HEMK2: variants seen among roughly 807,000 people sequenced by gnomAD.
HEMK2 encodes the protein HemK methyltransferase 2, ETF1 glutamine and histone H4 lysine.
the HEMK2 span, among the ~76,000 whole-genome samples, chr21:28,810,780 T>C: frequency 3.3e-5 from 5 of 152,188 alleles, no homozygotes; most frequent in Non-Finnish European, 5.9e-5. Context: ...GTGATTTCCC[T>C]TCAGAGGCGC....
chr21:28,703,024 G>A, the HEMK2 span, among the ~76,000 whole-genome samples: 1,065 of 152,288 alleles, frequency 7.0e-3, 11 homozygotes, highest in African/African-American at 0.024. Context: ...CATGGATGGA[G>A]CTGGAGATCA....
At chr21:28,753,296 G>A in the HEMK2 span, among the ~76,000 whole-genome samples, 6 of 150,194 alleles carry the variant, frequency 4.0e-5, no homozygotes, top group South Asian at 2.1e-4. Flanking sequence ...GGCAGAAGTC[G>A]CAGTGAACTG....
the HEMK2 span, among the ~76,000 whole-genome samples, chr21:28,733,210 C>T: frequency 1.3e-5 from 2 of 152,080 alleles, no homozygotes; most frequent in African/African-American, 4.8e-5. Flanking sequence ...ACCCGGGAGG[C>T]GGAGCTTGCA....
At chr21:28,620,933 A>G in the HEMK2 span, among the ~76,000 whole-genome samples, 1 of 151,598 alleles carries the variant, frequency 6.6e-6, no homozygotes. Flanking sequence ...CGGCCTCCCA[A>G]AGTGCTGGGA....
At chr21:28,791,368 G>T in the HEMK2 span, among the ~76,000 whole-genome samples, 1 of 152,152 alleles carries the variant, frequency 6.6e-6, no homozygotes, top group South Asian at 2.1e-4. Flanking sequence ...TTCTGAGATG[G>T]TGGGGTATTG....
the HEMK2 span, among the ~76,000 whole-genome samples, chr21:28,675,284 A>C: frequency 1.3e-5 from 2 of 152,358 alleles, no homozygotes; most frequent in East Asian, 3.9e-4. Flanking sequence ...ATGATAATAA[A>C]AATGAAAAAT....
the HEMK2 span, chr21:28,878,239 G>A: frequency 1.9e-6 from 3 of 1,603,064 alleles, no homozygotes; most frequent in Non-Finnish European, 2.6e-6. Flanking sequence ...TCCTCTTGGT[G>A]AAAGGAGATC....
chr21:28,746,036 G>C, the HEMK2 span, among the ~76,000 whole-genome samples: 1 of 152,088 alleles, frequency 6.6e-6, no homozygotes, highest in Non-Finnish European at 1.5e-5. Context: ...GCAAAATCTT[G>C]TAACATATTT....
chr21:28,703,777 A>T, the HEMK2 span, among the ~76,000 whole-genome samples: 4 of 152,236 alleles, frequency 2.6e-5, no homozygotes, highest in African/African-American at 9.6e-5. Context: ...TTTTTATAGA[A>T]GTACATTCGT....
the HEMK2 span, among the ~76,000 whole-genome samples, chr21:28,682,271 C>A: frequency 6.6e-6 from 1 of 152,230 alleles, no homozygotes; most frequent in African/African-American, 2.4e-5. Context: ...CAAAAGAAGA[C>A]ATTTGTGCAG....
chr21:28,845,105 A>C, the HEMK2 span, among the ~76,000 whole-genome samples: 1 of 152,056 alleles, frequency 6.6e-6, no homozygotes, highest in Non-Finnish European at 1.5e-5. Context: ...TTGACCATGT[A>C]AGCTTCTTAG....
At chr21:28,857,637 T>A in the HEMK2 span, among the ~76,000 whole-genome samples, 1 of 152,238 alleles carries the variant, frequency 6.6e-6, no homozygotes, top group Non-Finnish European at 1.5e-5. Context: ...ATAACATGCC[T>A]CTTCAGTGCA....
chr21:28,792,630 C>T, the HEMK2 span, among the ~76,000 whole-genome samples: 2 of 152,082 alleles, frequency 1.3e-5, no homozygotes, highest in Admixed American at 6.6e-5. Flanking sequence ...ACAAGAATCC[C>T]CAAATTGTGA....
At chr21:28,682,523 A>T in the HEMK2 span, among the ~76,000 whole-genome samples, 3 of 149,094 alleles carry the variant, frequency 2.0e-5, no homozygotes, top group Non-Finnish European at 3.0e-5. Flanking sequence ...AACTAGAAAT[A>T]CCATTTGACC....
At chr21:28,658,149 T>C in the HEMK2 span, among the ~76,000 whole-genome samples, 2 of 152,040 alleles carry the variant, frequency 1.3e-5, no homozygotes, top group Non-Finnish European at 2.9e-5. Context: ...AATCTCTGTA[T>C]GGTATTTGGC....
the HEMK2 span, among the ~76,000 whole-genome samples, chr21:28,713,894 T>C: frequency 6.6e-6 from 1 of 152,252 alleles, no homozygotes; most frequent in African/African-American, 2.4e-5. Flanking sequence ...TATGTACATA[T>C]GCATTCTATG....
chr21:28,661,080 A>C, the HEMK2 span, among the ~76,000 whole-genome samples: 1 of 152,066 alleles, frequency 6.6e-6, no homozygotes, highest in African/African-American at 2.4e-5. Flanking sequence ...ATTTACTGAC[A>C]TTATTTGTGC....
chr21:28,810,401 T>C, the HEMK2 span, among the ~76,000 whole-genome samples: 1 of 152,204 alleles, frequency 6.6e-6, no homozygotes, highest in East Asian at 1.9e-4. Context: ...AAAAAGGGCA[T>C]GAATTTAAAG....
chr21:28,594,009 C>T, the HEMK2 span, among the ~76,000 whole-genome samples: 3 of 152,126 alleles, frequency 2.0e-5, no homozygotes, highest in African/African-American at 4.8e-5. Context: ...ACATCAACAG[C>T]GATAAGTGAC....
Sources: gnomAD v4.1 joint callset for allele counts (sites outside exome capture counted in the v4.1 genomes callset) on GRCh38, gnomAD v4.1.1 for gene constraint, MANE v1.5 for transcripts, NCBI Gene and HGNC (gene_info 2026-07-23, HGNC 2026-07-21) for gene names.